Variants in MROH2B observed in about 807,000 individuals in gnomAD.
MROH2B encodes the protein maestro heat-like repeat-containing protein family member 2B.
A neutral mutation model predicts 208.6 loss-of-function variants in MROH2B; 177 were observed. The observed-to-expected ratio is 0.85, with a 90% CI of 0.75 to 0.96. The LOEUF is 0.96. Ranked by LOEUF, MROH2B falls within the 40% of genes least tolerant of loss-of-function variation. The pLI, the probability that MROH2B is intolerant of heterozygous loss-of-function variation, is 0.00. For synonymous variants in MROH2B, 728 were observed against 659.0 expected (o/e 1.10, Z -1.60); for missense variants, 2,002 against 1,878.7 (o/e 1.07, Z -1.21).
At chr5:41,064,248 C>T (rs1316737591) in intron 5 of MROH2B, among the ~76,000 whole-genome samples, 2 of 152,096 alleles carry the variant, frequency 1.3e-5, no homozygotes, top group Admixed American at 1.3e-4. Flanking sequence ...AGTTTTTCCT[C>T]TATACAATGG....
At chr5:41,067,638 G>T (rs1743853542) in intron 2 of MROH2B, among the ~76,000 whole-genome samples, 1 of 152,120 alleles carries the variant, frequency 6.6e-6, no homozygotes, top group African/African-American at 2.4e-5. Flanking sequence ...AAAGTGCTGG[G>T]ATTACAGGCA....
At chr5:41,031,697 T>G (rs1428794741) in intron 24 of MROH2B, among the ~76,000 whole-genome samples, 1 of 152,008 alleles carries the variant, frequency 6.6e-6, no homozygotes, top group Non-Finnish European at 1.5e-5. Flanking sequence ...TCAATAAGCA[T>G]AGAACCAGAT....
chr5:41,040,575 T>C (rs1742912377), intron 19 of MROH2B, among the ~76,000 whole-genome samples: 1 of 152,238 alleles, frequency 6.6e-6, no homozygotes, highest in South Asian at 2.1e-4. Flanking sequence ...CCAGAGGTCA[T>C]TTATTAAGCG....
chr5:41,048,860 T>G (rs565015051), intron 15 of MROH2B, among the ~76,000 whole-genome samples: 6 of 152,200 alleles, frequency 3.9e-5, no homozygotes, highest in Non-Finnish European at 7.3e-5. Flanking sequence ...ATGAATGAGA[T>G]TCAATATATG....
chr5:41,005,890 G>A (rs563223624), intron 34 of MROH2B, among the ~76,000 whole-genome samples: 1 of 152,040 alleles, frequency 6.6e-6, no homozygotes, highest in Non-Finnish European at 1.5e-5. Flanking sequence ...AATTAGCCAG[G>A]CATGGTGGTG....
At chr5:41,050,186 C>T (rs910594177) in intron 13 of MROH2B, among the ~76,000 whole-genome samples, 45 of 152,120 alleles carry the variant, frequency 3.0e-4, no homozygotes, top group African/African-American at 1.0e-3. Flanking sequence ...TCTACTGATT[C>T]CCTACAATTA....
chr5:41,005,788 T>C lies in MROH2B; in HGVS notation c.3750-143A>G, dbSNP rs948266117. The C allele has an allele frequency of 1.9e-5, 13 of 692,820 alleles. No homozygotes were observed. In the African/African-American group the frequency reaches 2.3e-4, roughly 12 times the overall value. 42.9% of individuals were successfully genotyped at this position (692,820 alleles called of 1,614,324 possible). A position where few individuals can be genotyped will look rare whatever the true frequency, so the allele number is the denominator to read the frequency against. ...GCTCATGCCTGTAATCCTAGAACTT[T>C]GGGAGGCCGAGGCAGGTGGATTGCC... On this transcript the variant is annotated intron_variant, in intron 34 of 41. Coordinates refer to ENST00000399564, the MANE Select transcript of MROH2B (RefSeq NM_173489.5).
At chr5:41,055,534 A>T (rs1328711710) in intron 10 of MROH2B, among the ~76,000 whole-genome samples, 2 of 149,516 alleles carry the variant, frequency 1.3e-5, no homozygotes, top group Non-Finnish European at 3.0e-5. Flanking sequence ...AACTGGGTGC[A>T]TCCATAAATG....
At chr5:41,051,712 C>A (rs747561758) in intron 12 of MROH2B, among the ~76,000 whole-genome samples, 179 of 152,324 alleles carry the variant, frequency 1.2e-3, no homozygotes, top group Non-Finnish European at 2.3e-3. Context: ...AGTGAGAAAG[C>A]ACCATCTGTT....
intron 24 of MROH2B, among the ~76,000 whole-genome samples, chr5:41,021,315 T>C (rs1272098087): frequency 6.6e-6 from 1 of 152,222 alleles, no homozygotes; most frequent in Non-Finnish European, 1.5e-5. Context: ...ATGACATCCT[T>C]TGTTCACGAA....
intron 6 of MROH2B, among the ~76,000 whole-genome samples, chr5:41,059,865 C>T (rs901117559): frequency 2.6e-5 from 4 of 152,192 alleles, no homozygotes; most frequent in East Asian, 1.9e-4. Flanking sequence ...TCTAAATCCA[C>T]TTATTTGGTT....
At chr5:41,044,198 C>A (rs554038291) in intron 18 of MROH2B, among the ~76,000 whole-genome samples, 2 of 150,350 alleles carry the variant, frequency 1.3e-5, no homozygotes, top group South Asian at 4.2e-4. Flanking sequence ...TGCAGTGGTC[C>A]GAGATCGTGC....
At chr5:41,049,238 C>T (rs760768654) in intron 14 of MROH2B, 42 bp downstream of exon 14, 2 of 1,611,000 alleles carry the variant, frequency 1.2e-6, no homozygotes, top group Non-Finnish European at 1.7e-6. Flanking sequence ...AAATGGATCC[C>T]TCATAATAGA....
rs143188175 is a variant in MROH2B at position 41,065,895 on chromosome 5, G to A, written c.202-405C>T. Among the ~76,000 whole-genome samples the A allele has an allele frequency of 2.6e-5, 4 of 152,250 alleles. No homozygotes were observed. In the East Asian group the frequency reaches 5.8e-4, roughly 22 times the overall value. ...CACACTATTTATAAGCTCCTCTAGC[G>A]TTGGGACGAAGGGAGAACAGGCTGT... On this transcript the variant is annotated intron_variant, in intron 3 of 41. Transcript: ENST00000399564.
Position 41,065,367 on chromosome 5 carries a change from C to G in MROH2B, c.325G>C (p.Val109Leu), listed in dbSNP as rs752804955. 1.2e-6 allele frequency: 2 copies of G among 1,613,180 alleles called. No homozygotes were observed. Among genetic ancestry groups the G allele is most frequent in the South Asian group, 2.2e-5 (2 of 90,912 alleles). ...GCCAATTCAGCCAGGGCAAGCACAACGAATTCATCTGGTAGCTCTAAGATC... is the reference window on the plus strand; with the variant it reads ...GCCAATTCAGCCAGGGCAAGCACAAGGAATTCATCTGGTAGCTCTAAGATC... ...FRILELPDEF[V>L]VLALAELATS... The change falls in exon 4 of 42, where the codon GTT (valine) becomes CTT (leucine). Residue 109 changes from valine (V) to leucine (L), a missense_variant. Physicochemically the swap from Val to Leu is conservative, Grantham distance 32. Transcript: ENST00000399564.
In MROH2B at chr5:41,035,868, G is replaced by A. The variant is rs575263556; in HGVS notation, c.2215-2004C>T. Among the ~76,000 whole-genome samples the A allele has an allele frequency of 1.2e-4, 19 of 152,188 alleles. No homozygotes were observed. The South Asian group carries it at 2.5e-3, about 20-fold the overall frequency. Reference sequence around the variant, plus strand: ...ACGCTGGTGAGGCTGGGGAGAAAAGGGAATGTTTATACACTGTTGGGGGGA... The same window carrying A: ...ACGCTGGTGAGGCTGGGGAGAAAAGAGAATGTTTATACACTGTTGGGGGGA... On this transcript the variant is annotated intron_variant, in intron 21 of 41. Transcript: ENST00000399564.
In MROH2B at chr5:41,054,824, A is replaced by AT; in HGVS notation, c.1049dup (p.Asp350GlufsTer16). The stretch of plus-strand genomic sequence containing the variant: ...CTGTTCTTTCTATTGAAATGATGTG[A>AT]TCCCTCAACCTGGGCTCTGAAAGAC... On this transcript the variant is annotated frameshift_variant, in exon 11 of 42. Coordinates refer to ENST00000399564, the MANE Select transcript of MROH2B (RefSeq NM_173489.5). LOFTEE classifies it high-confidence loss of function. The AT allele has an allele frequency of 6.2e-7, 1 of 1,611,340 alleles. No individual in the cohort carries two copies. The highest frequency in any genetic ancestry group is 8.5e-7 in the Non-Finnish European group (1 of 1,178,588).
intron 18 of MROH2B, among the ~76,000 whole-genome samples, chr5:41,044,120 C>T (rs948581673): frequency 2.6e-5 from 4 of 150,984 alleles, no homozygotes; most frequent in Non-Finnish European, 4.4e-5. Context: ...TGTGGTGGCA[C>T]GTGCCTGTAG....
intron 33 of MROH2B, 139 bp downstream of exon 33, chr5:41,008,467 A>T: frequency 2.2e-6 from 2 of 891,126 alleles, no homozygotes; most frequent in Non-Finnish European, 3.4e-6. Flanking sequence ...GCTTAGGGAG[A>T]GTAGAGCCTT....
Sources: allele counts gnomAD v4.1 joint callset (sites outside exome capture counted in the v4.1 genomes callset), GRCh38; gene constraint gnomAD v4.1.1; transcripts MANE v1.5; gene names NCBI Gene and HGNC (gene_info 2026-07-23, HGNC 2026-07-21).